TCOF1: variants seen among roughly 807,000 people sequenced by gnomAD.
The protein encoded by TCOF1 is treacle ribosome biogenesis factor 1, also known as treacle protein.
TCOF1 carries 33 observed loss-of-function variants against 149.0 expected under a neutral mutation model. That is an observed-to-expected ratio of 0.22 (90% CI 0.17 to 0.30). TCOF1 has a LOEUF of 0.30. Among genes scored for constraint, TCOF1 ranks in the 10% least tolerant of loss-of-function variants. The pLI is 1.00. For missense variants in TCOF1, 1,728 were observed against 1,840.7 expected (o/e 0.94, Z 1.12); for synonymous variants, 789 against 738.8 (o/e 1.07, Z -1.10).
Position 150,369,059 on chromosome 5 carries a change from C to T in TCOF1, c.565+157C>T, listed in dbSNP as rs558662687. 7.2e-5 allele frequency among the ~76,000 whole-genome samples: 11 copies of T among 152,292 alleles called. 1 individual carries two copies. Among genetic ancestry groups the T allele is most frequent in the East Asian group, 3.9e-4 (2 of 5,182 alleles). On this transcript the variant is annotated intron_variant, in intron 5 of 26. Transcript: ENST00000643257. ...CTTAGGACTTTTCTCATCACCTAGA[C>T]GAGGGAGGGTCAGCTTACAGGGACC...
At chr5:150,384,348 GGAGT>G (rs1201660738) in intron 17 of TCOF1, 2 of 985,570 alleles carry the variant, frequency 2.0e-6, no homozygotes, top group Non-Finnish European at 2.4e-6. Context: ...TAAGGAACTG[GGAGT>G]GAGGCTCAGA....
At chr5:150,371,407 G>A (rs1039592497) in intron 6 of TCOF1, among the ~76,000 whole-genome samples, 6 of 152,206 alleles carry the variant, frequency 3.9e-5, no homozygotes, top group Non-Finnish European at 1.5e-5. Flanking sequence ...TCAATGGGCT[G>A]AGGCTGTGCA....
Position 150,375,099 on chromosome 5 carries a change from C to T in TCOF1, c.1424C>T (p.Ser475Leu). 6.2e-7 allele frequency: 1 copy of T among 1,614,014 alleles called. No homozygotes were observed. The highest frequency in any genetic ancestry group is 8.5e-7 in the Non-Finnish European group (1 of 1,179,990). ...CAGGTGGGGAAGCAGGAGGAGGACT[C>T]AAGAAGCAGCAGCGAGGAGTCAGAC... ...QVQVGKQEED[S>L]RSSSEESDSD... The change falls in exon 10 of 27, where the codon TCA becomes TTA. Residue 475 changes from serine (S) to leucine (L), a missense_variant. Transcript: ENST00000643257.
chr5:150,399,184 TG>T lies in TCOF1; in HGVS notation c.*22+118del, dbSNP rs11353433. On this transcript the variant is annotated intron_variant, in intron 26 of 26. Coordinates refer to ENST00000643257, the MANE Select transcript of TCOF1 (RefSeq NM_001371623.1). ...GGTGGGCTCTAAGGGGAAAGGAGGC[TG>T]GGGAAAGAGGTTCTGTTGCCAAGGG... 2,761 of 1,467,004 alleles carry T rather than the reference TG, an allele frequency of 1.9e-3. 44 individuals carry two copies. In the African/African-American group the frequency reaches 0.033, roughly 18 times the overall value. 90.9% of individuals were successfully genotyped at this position (1,467,004 alleles called of 1,614,324 possible).
Position 150,367,928 on chromosome 5 carries a change from C to G in TCOF1, c.378+11C>G. On this transcript the variant is annotated intron_variant, in intron 4 of 26. Coordinates refer to ENST00000643257, the MANE Select transcript of TCOF1 (RefSeq NM_001371623.1). ...AAAGAAAAAGCCAAGGTGAGTGGGA[C>G]TGCCTTCCAAGCTATTGCCTATGGG... The G allele has an allele frequency of 6.2e-7, 1 of 1,614,046 alleles. No homozygotes were observed. Among genetic ancestry groups the G allele is most frequent in the Admixed American group, 1.7e-5 (1 of 60,014 alleles).
intron 17 of TCOF1, chr5:150,384,152 A>G: frequency 9.4e-7 from 1 of 1,068,468 alleles, no homozygotes; most frequent in South Asian, 3.9e-5. Flanking sequence ...TCAATTCATC[A>G]GTAAGGTCAG....
At chr5:150,383,114 C>G (rs750936501) in intron 17 of TCOF1, 1 of 1,536,118 alleles carries the variant, frequency 6.5e-7, no homozygotes, top group Non-Finnish European at 8.7e-7. Context: ...CCAGCACCCC[C>G]AGAGAGGAAC....
At chr5:150,387,779 G>T in intron 17 of TCOF1, 123 bp from the exon 18 acceptor site, 2 of 1,362,448 alleles carry the variant, frequency 1.5e-6, no homozygotes, top group Non-Finnish European at 2.0e-6. Context: ...AATGGCTTCT[G>T]TGCCCAGCTG....
Position 150,369,518 on chromosome 5 carries a change from C to T in TCOF1, c.566-11C>T, listed in dbSNP as rs1337825638. On this transcript the variant is annotated splice_polypyrimidine_tract_variant and intron_variant, in intron 5 of 26. Transcript: ENST00000643257. ...GGGAGTCCCTCAGTCCCCTCCGTGTCCGATCCTCAGGGATGGTGTCAGCGG... is the reference window on the plus strand; with the variant it reads ...GGGAGTCCCTCAGTCCCCTCCGTGTTCGATCCTCAGGGATGGTGTCAGCGG... The T allele has an allele frequency of 6.2e-7, 1 of 1,613,996 alleles. No individual in the cohort carries two copies. The highest frequency in any genetic ancestry group is 8.5e-7 in the Non-Finnish European group (1 of 1,179,982).
intron 18 of TCOF1, 26 bp downstream of exon 18, chr5:150,388,114 G>A: frequency 6.2e-7 from 1 of 1,612,664 alleles, no homozygotes; most frequent in Non-Finnish European, 8.5e-7. Flanking sequence ...ATGCAGTGGT[G>A]GGAGGGGCTG....
At chr5:150,367,821 T>G in intron 3 of TCOF1, 23 bp from the exon 4 acceptor site, 1 of 1,613,702 alleles carries the variant, frequency 6.2e-7, no homozygotes, top group Non-Finnish European at 8.5e-7. Flanking sequence ...CTGGCTCCTT[T>G]AGCAGATGTT....
intron 15 of TCOF1, 39 bp downstream of exon 15, chr5:150,379,081 G>A: frequency 6.2e-7 from 1 of 1,613,848 alleles, no homozygotes; most frequent in East Asian, 2.2e-5. Flanking sequence ...GTGGAGGGTT[G>A]GGGTAGAGAG....
At position 150,375,897 on chromosome 5, in the gene TCOF1, G is replaced by A. The variant is rs1437741465; in HGVS notation, c.1881G>A (p.Met627Ile). The change falls in exon 12 of 27, where the codon ATG becomes ATA. Residue 627 changes from methionine (M) to isoleucine (I), a missense_variant. Physicochemically the swap from Met to Ile is conservative, Grantham distance 10. Transcript: ENST00000643257. Reference sequence around the variant, plus strand: ...ACAGTGAGGAGGCACCAGCAGCCATGACTGCAGCTCAGGTGAGGCCTGGGG... The same window carrying A: ...ACAGTGAGGAGGCACCAGCAGCCATAACTGCAGCTCAGGTGAGGCCTGGGG... ...SADSEEAPAAMTAAQAKPALK... is the reference protein window; with the variant it reads ...SADSEEAPAAITAAQAKPALK... The A allele has an allele frequency of 2.5e-6, 4 of 1,614,110 alleles. No homozygotes were observed. Among genetic ancestry groups the A allele is most frequent in the Non-Finnish European group, 3.4e-6 (4 of 1,180,054 alleles).
Position 150,376,508 on chromosome 5 carries a change from T to C in TCOF1, c.2228T>C (p.Leu743Pro), listed in dbSNP as rs1763841167. The change falls in exon 14 of 27, where the codon CTC becomes CCC. Residue 743 changes from leucine to proline, a missense_variant. Transcript: ENST00000643257. Reference protein sequence around the residue: ...GSLGQGTAPVLPGKTGPTVTQ... With the variant: ...GSLGQGTAPVPPGKTGPTVTQ... ...TTGGGGCAAGGGACTGCTCCAGTAC[T>C]CCCTGGGAAGACGGGGCCTACAGTC... 2 of 1,613,570 alleles carry C rather than the reference T, an allele frequency of 1.2e-6. No individual in the cohort carries two copies. The highest frequency in any genetic ancestry group is 1.7e-6 in the Non-Finnish European group (2 of 1,179,750).
intron 3 of TCOF1, among the ~76,000 whole-genome samples, chr5:150,366,554 A>G (rs76048103): frequency 0.065 from 9,820 of 151,952 alleles, 330 homozygotes; most frequent in Non-Finnish European, 0.076. Context: ...CTACTTAAAA[A>G]TTTTCCATAA....
At chr5:150,384,705 G>A (rs1014449890) in intron 17 of TCOF1, 23 of 985,396 alleles carry the variant, frequency 2.3e-5, no homozygotes, top group Middle Eastern at 5.2e-4. Flanking sequence ...AGAAGTCAGC[G>A]GTTTGTACAT....
At chr5:150,383,924 G>A in intron 17 of TCOF1, 1 of 1,502,350 alleles carries the variant, frequency 6.7e-7, no homozygotes. Context: ...AGCCATGCTG[G>A]TGTGGTCCAA....
intron 3 of TCOF1, 101 bp downstream of exon 3, chr5:150,364,353 A>T: frequency 6.5e-7 from 1 of 1,549,618 alleles, no homozygotes; most frequent in African/African-American, 1.4e-5. Flanking sequence ...GACCTAAAAG[A>T]CCCTGGGGAG....
At chr5:150,362,201 C>T (rs969453919) in intron 2 of TCOF1, among the ~76,000 whole-genome samples, 2 of 152,164 alleles carry the variant, frequency 1.3e-5, no homozygotes, top group Non-Finnish European at 2.9e-5. Flanking sequence ...ATTTCAATGA[C>T]ATGTTGAGTG....
Sources: gnomAD v4.1 joint callset for allele counts (sites outside exome capture counted in the v4.1 genomes callset) on GRCh38, gnomAD v4.1.1 for gene constraint, MANE v1.5 for transcripts, NCBI Gene and HGNC (gene_info 2026-07-23, HGNC 2026-07-21) for gene names.